Variants in ROBO2 observed in about 807,000 individuals in gnomAD.
ROBO2 encodes the protein roundabout homolog 2.
In ROBO2, 53 loss-of-function variants were observed where a neutral mutation model predicts 160.8. The ratio of observed to expected loss-of-function variants is 0.33; its 90% CI spans 0.26 to 0.41. The LOEUF (loss-of-function observed/expected upper bound fraction) is 0.41. Among genes scored for constraint, ROBO2 ranks in the 10% least tolerant of loss-of-function variants. The pLI, the probability that ROBO2 is intolerant of heterozygous loss-of-function variation, is 1.00. For synonymous variants in ROBO2, 664 were observed against 611.7 expected (o/e 1.09, Z -1.26); for missense variants, 1,577 against 1,722.4 (o/e 0.92, Z 1.49).
chr3:77,024,572 T>C (rs554611949), intron 2 of ROBO2, among the ~76,000 whole-genome samples: 1 of 152,268 alleles, frequency 6.6e-6, no homozygotes, highest in Non-Finnish European at 1.5e-5. Context: ...TAGGGATTTG[T>C]GGACTCTAAC....
chr3:76,701,064 A>T lies in ROBO2; in HGVS notation c.110-396950A>T, dbSNP rs182987405. Among the ~76,000 whole-genome samples, 155 of 152,212 alleles carry T rather than the reference A, an allele frequency of 1.0e-3. 1 individual carries two copies. Among genetic ancestry groups the T allele is most frequent in the African/African-American group, 3.5e-3 (146 of 41,560 alleles). ...TAGTGGCCAGGTGGAAAAGCAAGTG[A>T]TCTAGTTCAATGAATGGTATATTTA... On this transcript the variant is annotated intron_variant, in intron 2 of 26. Transcript: ENST00000487694.
At chr3:77,412,361 T>G (rs2076873937) in intron 2 of ROBO2, among the ~76,000 whole-genome samples, 3 of 152,200 alleles carry the variant, frequency 2.0e-5, no homozygotes, top group African/African-American at 7.2e-5. Context: ...AGCCAGTATA[T>G]CTAAGTGTGG....
intron 2 of ROBO2, among the ~76,000 whole-genome samples, chr3:76,293,414 G>A (rs755929394): frequency 9.2e-5 from 14 of 152,178 alleles, no homozygotes; most frequent in Non-Finnish European, 1.8e-4. Flanking sequence ...AGACTGAACC[G>A]GAATGTCTGC....
intron 2 of ROBO2, among the ~76,000 whole-genome samples, chr3:76,691,522 A>G (rs1355321953): frequency 1.3e-5 from 2 of 152,150 alleles, no homozygotes; most frequent in Non-Finnish European, 2.9e-5. Flanking sequence ...TAATGAGCGG[A>G]AAAAAATGAT....
chr3:75,932,728 AG>A, intron 1 of ROBO2, among the ~76,000 whole-genome samples: 1 of 152,246 alleles, frequency 6.6e-6, no homozygotes, highest in South Asian at 2.1e-4. Flanking sequence ...CAGGAATCTT[AG>A]AGCTGTTTTC....
intron 2 of ROBO2, among the ~76,000 whole-genome samples, chr3:77,129,081 G>T (rs924777819): frequency 1.3e-5 from 2 of 151,432 alleles, no homozygotes; most frequent in Non-Finnish European, 2.9e-5. Flanking sequence ...TCTCCTTTTG[G>T]AGTGCTCTTT....
At chr3:76,760,719 G>GTTAA (rs58705040) in intron 2 of ROBO2, among the ~76,000 whole-genome samples, 126,799 of 151,248 alleles carry the variant, frequency 0.84, 53,259 homozygotes, top group Admixed American at 0.86. Context: ...GAGTCGGTAA[G>GTTAA]TTAAAGAGTG....
At chr3:76,545,297 G>A (rs1428156078) in intron 2 of ROBO2, among the ~76,000 whole-genome samples, 2 of 151,940 alleles carry the variant, frequency 1.3e-5, no homozygotes, top group Non-Finnish European at 2.9e-5. Context: ...TTTTATCTAT[G>A]TCGGACAATC....
intron 2 of ROBO2, among the ~76,000 whole-genome samples, chr3:77,200,271 A>T (rs1307215658): frequency 3.4e-3 from 41 of 11,972 alleles, no homozygotes; most frequent in African/African-American, 7.8e-3. Flanking sequence ...CATATTTTAT[A>T]TATATATATA....
chr3:77,475,328 G>A (rs1167918721), intron 2 of ROBO2, among the ~76,000 whole-genome samples: 2 of 151,962 alleles, frequency 1.3e-5, no homozygotes, highest in African/African-American at 4.8e-5. Flanking sequence ...CCTTTTTGTT[G>A]AATGCCATAA....
intron 2 of ROBO2, among the ~76,000 whole-genome samples, chr3:77,299,564 C>CCAT (rs1327180105): frequency 1.3e-5 from 2 of 152,132 alleles, no homozygotes; most frequent in Non-Finnish European, 2.9e-5. Flanking sequence ...CCTTATAAAA[C>CCAT]CATCAGATTC....
At chr3:76,984,711 A>G (rs1043320579) in intron 2 of ROBO2, among the ~76,000 whole-genome samples, 3 of 152,206 alleles carry the variant, frequency 2.0e-5, no homozygotes, top group Non-Finnish European at 4.4e-5. Flanking sequence ...TCTGACTCAC[A>G]TAAGTAGATT....
intron 2 of ROBO2, among the ~76,000 whole-genome samples, chr3:76,894,467 A>G (rs181920854): frequency 6.6e-6 from 1 of 152,298 alleles, no homozygotes; most frequent in Non-Finnish European, 1.5e-5. Flanking sequence ...TATAGGTAAA[A>G]TAATTTCTCA....
chr3:77,317,235 G>T, intron 2 of ROBO2: 2 of 803,638 alleles, frequency 2.5e-6, no homozygotes, highest in Non-Finnish European at 4.5e-6. Context: ...CACAGCCCAG[G>T]TTAATGTGCT....
chr3:77,474,784 G>T (rs746185535), intron 2 of ROBO2, among the ~76,000 whole-genome samples: 1 of 151,850 alleles, frequency 6.6e-6, no homozygotes, highest in Non-Finnish European at 1.5e-5. Flanking sequence ...CTTCACCATG[G>T]CTAACACTTT....
intron 2 of ROBO2, among the ~76,000 whole-genome samples, chr3:76,395,722 A>G (rs935727309): frequency 6.6e-6 from 1 of 152,232 alleles, no homozygotes; most frequent in African/African-American, 2.4e-5. Flanking sequence ...GAAAATCTAG[A>G]AGAAACAGAT....
intron 2 of ROBO2, among the ~76,000 whole-genome samples, chr3:76,948,408 C>A (rs2078702957): frequency 1.3e-5 from 2 of 151,680 alleles, no homozygotes; most frequent in Admixed American, 6.6e-5. Context: ...AAAATATATG[C>A]TGAACCATTT....
chr3:77,626,208 T>G (rs2095021786), intron 23 of ROBO2, among the ~76,000 whole-genome samples: 1 of 152,214 alleles, frequency 6.6e-6, no homozygotes, highest in African/African-American at 2.4e-5. Flanking sequence ...GCACAACATA[T>G]AATTTTCTCT....
chr3:77,398,266 G>T (rs2075463258), intron 2 of ROBO2, among the ~76,000 whole-genome samples: 1 of 152,080 alleles, frequency 6.6e-6, no homozygotes, highest in African/African-American at 2.4e-5. Context: ...GAGTGAGTTA[G>T]TTTGGAATGT....
Sources: gnomAD v4.1 joint callset for allele counts (sites outside exome capture counted in the v4.1 genomes callset) on GRCh38, gnomAD v4.1.1 for gene constraint, MANE v1.5 for transcripts, NCBI Gene and HGNC (gene_info 2026-07-23, HGNC 2026-07-21) for gene names.